Variants in PCMT1 observed in about 807,000 individuals in gnomAD.
PCMT1 encodes the protein protein-L-isoaspartate (D-aspartate) O-methyltransferase, also known as protein-L-isoaspartate(D-aspartate) O-methyltransferase.
Under a neutral mutation model 29.2 loss-of-function variants are expected in PCMT1, and 9 were observed. The ratio of observed to expected loss-of-function variants is 0.31; its 90% confidence interval spans 0.19 to 0.54. The LOEUF (loss-of-function observed/expected upper bound fraction) is 0.54. Among genes scored for constraint, PCMT1 ranks in the 20% least tolerant of loss-of-function variants. PCMT1 has a pLI of 0.95. For missense variants in PCMT1, 184 were observed against 282.2 expected, an observed-to-expected ratio of 0.65 and a Z score of 2.49; for synonymous variants, 98 against 97.5, an observed-to-expected ratio of 1.00 and a Z score of -0.03.
At chr6:149,752,399 A>C (rs55938765) in intron 1 of PCMT1, among the ~76,000 whole-genome samples, 60,610 of 151,682 alleles carry the variant, frequency 0.4, 13,013 homozygotes, top group East Asian at 0.81. Context: ...GGGTTTCACT[A>C]TGTTGGCCAG....
chr6:149,787,915 T>G lies in PCMT1; in HGVS notation c.193-2039T>G, dbSNP rs1024906926. ...AATTACAGGCATAATGCTCTTTACC[T>G]TTAACTTTTTTTGAGATGGAGTCTT... On this transcript the variant is annotated intron_variant, in intron 3 of 7. Coordinates refer to ENST00000464889, the MANE Select transcript of PCMT1 (RefSeq NM_001360452.2). Among the ~76,000 whole-genome samples, 16 of 152,040 alleles carry G rather than the reference T, an allele frequency of 1.1e-4. No individual in the cohort carries two copies. The East Asian group carries it at 3.1e-3, about 29-fold the overall frequency.
At chr6:149,783,375 C>T (rs1027092119) in intron 3 of PCMT1, among the ~76,000 whole-genome samples, 1 of 152,070 alleles carries the variant, frequency 6.6e-6, no homozygotes, top group Non-Finnish European at 1.5e-5. Flanking sequence ...TCGTGATCTG[C>T]CCACCTCAGC....
intron 5 of PCMT1, among the ~76,000 whole-genome samples, chr6:149,794,611 C>T (rs538586923): frequency 1.3e-5 from 2 of 151,998 alleles, no homozygotes; most frequent in Non-Finnish European, 2.9e-5. Context: ...AGCTAGAGTC[C>T]GTCTCAAAAA....
At chr6:149,772,596 G>C (rs1787378568) in intron 2 of PCMT1, 1 of 455,968 alleles carries the variant, frequency 2.2e-6, no homozygotes, top group Non-Finnish European at 4.4e-6. Context: ...CCGTACTTTA[G>C]AGGGACTGTT....
chr6:149,811,061 A>G lies in PCMT1; in HGVS notation c.*483A>G, dbSNP rs1303055247. ...GGTATTTGGATATCTGTTAGATGCT[A>G]CTAAGAAAATAGAGATGAGCTTTCT... On this transcript the variant is annotated 3_prime_UTR_variant, in exon 8 of 8. Coordinates refer to ENST00000464889, the MANE Select transcript of PCMT1 (RefSeq NM_001360452.2). The G allele has an allele frequency of 1.8e-4, 28 of 155,670 alleles. No individual in the cohort carries two copies. Among genetic ancestry groups the G allele is most frequent in the African/African-American group, 4.8e-5 (2 of 41,548 alleles). The allele number at this position is 155,670 out of a possible 1,614,324, so 9.6% of individuals were successfully genotyped here. A position where few individuals can be genotyped will look rare whatever the true frequency, so the allele number is the denominator to read the frequency against.
intron 4 of PCMT1, among the ~76,000 whole-genome samples, chr6:149,792,167 T>G (rs1178441102): frequency 6.6e-6 from 1 of 151,134 alleles, no homozygotes; most frequent in Non-Finnish European, 1.5e-5. Context: ...ATACAAAAAT[T>G]AGCTGGGTGT....
At chr6:149,794,474 T>C (rs1227700114) in intron 5 of PCMT1, among the ~76,000 whole-genome samples, 1 of 151,876 alleles carries the variant, frequency 6.6e-6, no homozygotes, top group Non-Finnish European at 1.5e-5. Flanking sequence ...AAAAATAAGC[T>C]GGGCGTGGTG....
Position 149,779,007 on chromosome 6 carries a change from C to A in PCMT1, c.192+5838C>A, listed in dbSNP as rs555324108. On this transcript the variant is annotated intron_variant, in intron 3 of 7. Coordinates refer to ENST00000464889, the MANE Select transcript of PCMT1 (RefSeq NM_001360452.2). ...AAGTATAATGGTAGAAAAATTTATT[C>A]TTTTTCTTGAAGGTAGAACGTAATA... 2.3e-3 allele frequency among the ~76,000 whole-genome samples: 343 copies of A among 152,148 alleles called. 7 individuals are homozygous for A. The highest frequency in any genetic ancestry group is 3.4e-3 in the Middle Eastern group (1 of 294).
chr6:149,754,744 G>A (rs1020818672), intron 1 of PCMT1, among the ~76,000 whole-genome samples: 2 of 152,130 alleles, frequency 1.3e-5, no homozygotes, highest in African/African-American at 2.4e-5. Flanking sequence ...GATCCTGCCC[G>A]TGACATGAAT....
intron 6 of PCMT1, among the ~76,000 whole-genome samples, chr6:149,799,458 C>T (rs577337097): frequency 3.3e-5 from 5 of 152,244 alleles, no homozygotes; most frequent in African/African-American, 1.2e-4. Flanking sequence ...TTATTTCCAA[C>T]CTCGAATTCT....
chr6:149,779,785 C>G (rs1384001846), intron 3 of PCMT1, among the ~76,000 whole-genome samples: 1 of 151,580 alleles, frequency 6.6e-6, no homozygotes, highest in Non-Finnish European at 1.5e-5. Flanking sequence ...TCACTCCAGC[C>G]TGGGCAAAAG....
At chr6:149,794,757 A>AT (rs1788531302) in intron 5 of PCMT1, 1 of 469,630 alleles carries the variant, frequency 2.1e-6, no homozygotes, top group Admixed American at 2.3e-5. Flanking sequence ...CTGAAAGGGG[A>AT]ATACAGGAGT....
chr6:149,795,289 T>C (rs80178911), intron 5 of PCMT1: 5,905 of 401,924 alleles, frequency 0.015, 87 homozygotes, highest in Middle Eastern at 0.023. Flanking sequence ...CAGTCCTTGT[T>C]CTCCAAAAGC....
At chr6:149,769,157 G>T (rs373152618) in intron 1 of PCMT1, among the ~76,000 whole-genome samples, 9 of 151,718 alleles carry the variant, frequency 5.9e-5, no homozygotes, top group African/African-American at 2.2e-4. Flanking sequence ...GGTTTGATTG[G>T]TTTTTTTCTT....
At chr6:149,808,629 A>AATT (rs959463584) in intron 7 of PCMT1, among the ~76,000 whole-genome samples, 8 of 151,814 alleles carry the variant, frequency 5.3e-5, no homozygotes, top group South Asian at 4.2e-4. Context: ...AATTGTAGTA[A>AATT]ATTATTATTA....
intron 3 of PCMT1, among the ~76,000 whole-genome samples, chr6:149,788,893 A>T (rs552697748): frequency 2.0e-4 from 31 of 152,074 alleles, no homozygotes; most frequent in Non-Finnish European, 4.4e-4. Flanking sequence ...TGATTTTCTT[A>T]ATTTTTTCTA....
intron 6 of PCMT1, chr6:149,796,758 C>T (rs1788628456): frequency 3.0e-6 from 1 of 337,942 alleles, no homozygotes. Context: ...TTGGGAAAAT[C>T]CCTCTGGAGT....
chr6:149,802,415 A>G lies in PCMT1; in HGVS notation c.*36A>G. On this transcript the variant is annotated splice_region_variant and 3_prime_UTR_variant, in exon 7 of 8. Transcript: ENST00000464889. ...TGCTCTTTCTTCTTCCACACATGCAAGGTGAAAGGGTGTGGATTTTAAGAC... is the reference window on the plus strand; with the variant it reads ...TGCTCTTTCTTCTTCCACACATGCAGGGTGAAAGGGTGTGGATTTTAAGAC... 6.3e-7 allele frequency: 1 copy of G among 1,582,946 alleles called. No individual in the cohort carries two copies. The highest frequency in any genetic ancestry group is 8.6e-7 in the Non-Finnish European group (1 of 1,161,598).
chr6:149,755,099 A>AAGGGGC (rs75359067), intron 1 of PCMT1, among the ~76,000 whole-genome samples: 1 of 151,440 alleles, frequency 6.6e-6, no homozygotes, highest in Admixed American at 6.6e-5. Context: ...AACCTGTCAT[A>AAGGGGC]ATAAACCTGT....
Sources: gnomAD v4.1 joint callset for allele counts (sites outside exome capture counted in the v4.1 genomes callset) on GRCh38, gnomAD v4.1.1 for gene constraint, MANE v1.5 for transcripts, NCBI Gene and HGNC (gene_info 2026-07-23, HGNC 2026-07-21) for gene names.